PRRC2B: variants seen among roughly 807,000 people sequenced by gnomAD.
PRRC2B encodes protein PRRC2B.
Under a neutral mutation model 242.3 loss-of-function variants are expected in PRRC2B, and 68 were observed. That is an observed-to-expected ratio of 0.28 (90% CI 0.23 to 0.34). The LOEUF is 0.34. Ranked by LOEUF, PRRC2B falls within the 10% of genes least tolerant of loss-of-function variation. The pLI, the probability that PRRC2B is intolerant of heterozygous loss-of-function variation, is 1.00. For synonymous variants in PRRC2B, 1,228 were observed against 1,173.6 expected (o/e 1.05, Z -0.95); for missense variants, 2,835 against 2,954.8 (o/e 0.96, Z 0.94).
At chr9:131,443,220 A>G (rs956160150) in intron 5 of PRRC2B, among the ~76,000 whole-genome samples, 8 of 151,176 alleles carry the variant, frequency 5.3e-5, no homozygotes, top group African/African-American at 1.2e-4. Flanking sequence ...TGCAAGCTCC[A>G]TCTCCTGGGT....
At chr9:131,410,129 G>A (rs754384748) in intron 1 of PRRC2B, among the ~76,000 whole-genome samples, 2 of 152,144 alleles carry the variant, frequency 1.3e-5, no homozygotes, top group Non-Finnish European at 2.9e-5. Context: ...CACCCCCCTT[G>A]CTAAATTAAC....
chr9:131,462,804 C>T (rs1943279234), intron 11 of PRRC2B, among the ~76,000 whole-genome samples: 1 of 137,360 alleles, frequency 7.3e-6, no homozygotes, highest in East Asian at 2.1e-4. Context: ...TGCCACTGCA[C>T]TCCAGCCTGG....
In PRRC2B at chr9:131,377,355, C is replaced by T. The variant is rs140708039; in HGVS notation, c.-56+3624C>T. On this transcript the variant is annotated intron_variant, in intron 1 of 1. Transcript: ENST00000682525. ...GTCTCAATCTCCTAACCTCGTGATCCGCGCGCCTCAGCCTCCCAAAGTGTT... is the reference window on the plus strand; with the variant it reads ...GTCTCAATCTCCTAACCTCGTGATCTGCGCGCCTCAGCCTCCCAAAGTGTT... Among the ~76,000 whole-genome samples the T allele has an allele frequency of 6.8e-3, 1,030 of 152,320 alleles. 11 individuals are homozygous for T. Among genetic ancestry groups the T allele is most frequent in the African/African-American group, 0.021 (880 of 41,572 alleles).
At chr9:131,388,768 T>G (rs1836859022) in intron 1 of PRRC2B, among the ~76,000 whole-genome samples, 1 of 149,842 alleles carries the variant, frequency 6.7e-6, no homozygotes, top group Non-Finnish European at 1.5e-5. Context: ...GGTCTCGATC[T>G]CTTGACCTCG....
chr9:131,477,945 T>C lies in PRRC2B; in HGVS notation c.4608T>C (p.Tyr1536=). ...CCATGAAACAGTTTGACCTGAACTATGGAAGTAAGTCATCCTCATATCTTC... is the reference window on the plus strand; with the variant it reads ...CCATGAAACAGTTTGACCTGAACTACGGAAGTAAGTCATCCTCATATCTTC... ...GEAMKQFDLN[Y]GSAIIENCGS... is the part of the protein sequence containing the mutation. The change falls in exon 17 of 32, where the codon TAT becomes TAC. Residue 1536 remains tyrosine (Y), a synonymous_variant. Coordinates refer to ENST00000683519, the MANE Select transcript of PRRC2B (RefSeq NM_013318.4). 6.2e-7 allele frequency: 1 copy of C among 1,613,510 alleles called. No individual in the cohort carries two copies. Among genetic ancestry groups the C allele is most frequent in the East Asian group, 2.2e-5 (1 of 44,870 alleles).
chr9:131,464,689 T>G, intron 11 of PRRC2B, 74 bp from the exon 12 acceptor site: 2 of 1,362,528 alleles, frequency 1.5e-6, no homozygotes. Flanking sequence ...GGAGAACTGA[T>G]CCCAAAGTGG....
chr9:131,429,599 TGC>T (rs1838069597), intron 1 of PRRC2B, among the ~76,000 whole-genome samples: 1 of 152,234 alleles, frequency 6.6e-6, no homozygotes, highest in South Asian at 2.1e-4. Context: ...ATACTCTGGC[TGC>T]CCTCCTTTGA....
intron 1 of PRRC2B, among the ~76,000 whole-genome samples, chr9:131,381,501 C>T (rs1264217741): frequency 6.7e-6 from 1 of 149,202 alleles, no homozygotes; most frequent in Admixed American, 6.7e-5. Flanking sequence ...TCGCTGCAAC[C>T]TCCGCCTCCC....
At chr9:131,390,476 C>CTTTTTTT (rs10688559), upstream of PRRC2B, among the ~76,000 whole-genome samples, 23 of 41,226 alleles carry the variant, frequency 5.6e-4, 6 homozygotes, top group East Asian at 1.8e-3. Flanking sequence ...CCTAGCTTGC[C>CTTTTTTT]TTTTTTTTTT....
intron 10 of PRRC2B, among the ~76,000 whole-genome samples, chr9:131,458,944 T>G (rs1270520194): frequency 2.0e-5 from 3 of 152,182 alleles, no homozygotes; most frequent in Non-Finnish European, 2.9e-5. Context: ...GGTGAAATAG[T>G]GTGACATATC....
chr9:131,375,580 T>C (rs960144361), intron 1 of PRRC2B, among the ~76,000 whole-genome samples: 15 of 152,138 alleles, frequency 9.9e-5, no homozygotes, highest in Admixed American at 9.2e-4. Context: ...GAGCTCGCCA[T>C]GTTATCTGTC....
intron 1 of PRRC2B, among the ~76,000 whole-genome samples, chr9:131,420,491 T>TTCTTTCTTTCTTTCTTTCTTTC (rs1837795028): frequency 4.4e-5 from 1 of 22,964 alleles, no homozygotes. Context: ...CTTTCTTTCT[T>TTCTTTCTTTCTTTCTTTCTTTC]TCTTTTTTTT....
At chr9:131,423,552 G>A (rs892575534) in intron 1 of PRRC2B, among the ~76,000 whole-genome samples, 3 of 152,190 alleles carry the variant, frequency 2.0e-5, no homozygotes, top group South Asian at 2.1e-4. Context: ...TCCCTGCAAC[G>A]GGAGGAAATC....
chr9:131,484,383 C>G (rs992206419), intron 23 of PRRC2B, among the ~76,000 whole-genome samples: 1 of 152,064 alleles, frequency 6.6e-6, no homozygotes, highest in African/African-American at 2.4e-5. Context: ...GGGTGGCTCT[C>G]TGCAGACTTG....
At chr9:131,455,547 C>T (rs1048587530) in intron 10 of PRRC2B, among the ~76,000 whole-genome samples, 1 of 141,428 alleles carries the variant, frequency 7.1e-6, no homozygotes. Flanking sequence ...GACAGGCTCT[C>T]ACTCTGTCAC....
intron 9 of PRRC2B, among the ~76,000 whole-genome samples, chr9:131,449,857 A>G (rs1264373102): frequency 6.6e-6 from 1 of 152,190 alleles, no homozygotes; most frequent in Non-Finnish European, 1.5e-5. Flanking sequence ...AGTTTTAACT[A>G]TTAATTTTAG....
At chr9:131,451,562 C>T (rs1483292578) in intron 9 of PRRC2B, among the ~76,000 whole-genome samples, 3 of 152,132 alleles carry the variant, frequency 2.0e-5, no homozygotes, top group Non-Finnish European at 2.9e-5. Context: ...TTTCAGATTA[C>T]GTGCCTTTTA....
chr9:131,412,009 A>G (rs1426978314), intron 1 of PRRC2B, among the ~76,000 whole-genome samples: 1 of 150,190 alleles, frequency 6.7e-6, no homozygotes, highest in Non-Finnish European at 1.5e-5. Flanking sequence ...GTCTTGCTGT[A>G]TTGCCCAGAC....
rs1019061473 is a variant in PRRC2B at position 131,494,882 on chromosome 9, G to A, written c.6555+396G>A. ...GTCTCATCTTTGTCTTGGCTGGGTG[G>A]GAGCACAGGTGAAATTAAGTTTTCC... On this transcript the variant is annotated intron_variant, in intron 31 of 31. Coordinates refer to ENST00000683519, the MANE Select transcript of PRRC2B (RefSeq NM_013318.4). This position sits in a 1 kb window ranked among gnomAD's most constrained non-coding sequence, Gnocchi z 4.3. 1.3e-5 allele frequency among the ~76,000 whole-genome samples: 2 copies of A among 152,168 alleles called. No individual in the cohort carries two copies. The highest frequency in any genetic ancestry group is 1.5e-5 in the Non-Finnish European group (1 of 68,038).
Sources: gnomAD v4.1 joint callset for allele counts (sites outside exome capture counted in the v4.1 genomes callset) on GRCh38, gnomAD v4.1.1 for gene constraint, Gnocchi (gnomAD v3.1) non-coding constraint, MANE v1.5 for transcripts, NCBI Gene and HGNC (gene_info 2026-07-23, HGNC 2026-07-21) for gene names.